The following AKT3 variants were observed in gnomAD, a reference collection of about 807,000 sequenced individuals.
AKT3 encodes the protein RAC-gamma serine/threonine-protein kinase.
Under a neutral mutation model 65.3 loss-of-function variants are expected in AKT3, and 15 were observed. The ratio of observed to expected loss-of-function variants is 0.23; its 90% CI spans 0.15 to 0.35. AKT3 has a LOEUF of 0.35. Among genes scored for constraint, AKT3 ranks in the 10% least tolerant of loss-of-function variants. The probability of loss-of-function intolerance (pLI) is 1.00; values close to 1 mark genes in which losing one functional copy is unlikely to be tolerated. For missense variants in AKT3, 243 were observed against 576.5 expected, an observed-to-expected ratio of 0.42 and a Z score of 5.92; for synonymous variants, 206 against 183.8, an observed-to-expected ratio of 1.12 and a Z score of -0.98.
intron 8 of AKT3, among the ~76,000 whole-genome samples, chr1:243,597,293 C>G (rs1285586039): frequency 3.3e-5 from 5 of 151,958 alleles, no homozygotes; most frequent in African/African-American, 1.2e-4. Flanking sequence ...TAAAGTGTAT[C>G]TACATAATTA....
At chr1:243,496,689 G>C (rs1248850924), downstream of AKT3, among the ~76,000 whole-genome samples, 1 of 152,250 alleles carries the variant, frequency 6.6e-6, no homozygotes, top group Non-Finnish European at 1.5e-5. Flanking sequence ...TGGCTGGTTT[G>C]GGAACAAAGC....
chr1:243,634,445 G>A (rs1214521382), intron 6 of AKT3, among the ~76,000 whole-genome samples: 1 of 151,890 alleles, frequency 6.6e-6, no homozygotes, highest in Non-Finnish European at 1.5e-5. Context: ...ACTATTAAAA[G>A]TAAATTAACA....
intron 2 of AKT3, among the ~76,000 whole-genome samples, chr1:243,715,746 G>A (rs903349250): frequency 6.6e-6 from 1 of 151,952 alleles, no homozygotes; most frequent in African/African-American, 2.4e-5. Flanking sequence ...AGGTTCAAAG[G>A]TGTTACCAAA....
At chr1:243,514,667 A>C (rs1312574250) in intron 12 of AKT3, among the ~76,000 whole-genome samples, 1 of 152,206 alleles carries the variant, frequency 6.6e-6, no homozygotes, top group Non-Finnish European at 1.5e-5. Flanking sequence ...CACATTAAGA[A>C]TATACAACTT....
At chr1:243,844,503 G>T (rs1695425827) in intron 1 of AKT3, among the ~76,000 whole-genome samples, 1 of 152,114 alleles carries the variant, frequency 6.6e-6, no homozygotes, top group African/African-American at 2.4e-5. Context: ...TTTTGAGATG[G>T]GGTTTCCCCC....
At chr1:243,688,526 A>G (rs1201416011) in intron 3 of AKT3, among the ~76,000 whole-genome samples, 5 of 152,194 alleles carry the variant, frequency 3.3e-5, no homozygotes, top group Non-Finnish European at 7.3e-5. Context: ...AATATTCCAG[A>G]AAAGATAATA....
intron 12 of AKT3, among the ~76,000 whole-genome samples, chr1:243,519,308 GA>G (rs1379522212): frequency 3.3e-5 from 5 of 152,158 alleles, no homozygotes; most frequent in Non-Finnish European, 5.9e-5. Context: ...ATCGGCTGCA[GA>G]CAAGAGCAGA....
At chr1:243,762,965 A>T (rs534078128) in intron 2 of AKT3, among the ~76,000 whole-genome samples, 1 of 152,194 alleles carries the variant, frequency 6.6e-6, no homozygotes, top group South Asian at 2.1e-4. Context: ...ATGAAATCAA[A>T]TATCAAATTT....
intron 1 of AKT3, among the ~76,000 whole-genome samples, chr1:243,844,380 C>T (rs1043183384): frequency 3.3e-4 from 50 of 152,204 alleles, no homozygotes; most frequent in African/African-American, 1.2e-3. Flanking sequence ...AGAGTAAAGG[C>T]ATACATACTT....
chr1:243,738,588 T>C (rs1427700743), intron 2 of AKT3, among the ~76,000 whole-genome samples: 5 of 152,114 alleles, frequency 3.3e-5, no homozygotes, highest in African/African-American at 1.2e-4. Context: ...AATTTGAAAA[T>C]GTTTAGAGAA....
intron 2 of AKT3, among the ~76,000 whole-genome samples, chr1:243,770,527 TA>T (rs1185413088): frequency 1.3e-5 from 2 of 152,076 alleles, no homozygotes; most frequent in African/African-American, 4.8e-5. Context: ...AAGCTGCATG[TA>T]TATGAGAAGA....
At chr1:243,535,155 T>TATTTTAAAATACATTTAAA (rs1671812888) in intron 12 of AKT3, among the ~76,000 whole-genome samples, 1 of 131,400 alleles carries the variant, frequency 7.6e-6, no homozygotes, top group Non-Finnish European at 1.5e-5. Flanking sequence ...TTTTAAAATA[T>TATTTTAAAATACATTTAAA]ATTTTAAAAT....
At chr1:243,781,271 C>T (rs1038333245) in intron 2 of AKT3, among the ~76,000 whole-genome samples, 1 of 151,950 alleles carries the variant, frequency 6.6e-6, no homozygotes, top group Non-Finnish European at 1.5e-5. Context: ...TTCCATAGTA[C>T]GAATGAATGC....
intron 2 of AKT3, among the ~76,000 whole-genome samples, chr1:243,696,626 A>C (rs573323636): frequency 1.3e-5 from 2 of 152,148 alleles, no homozygotes; most frequent in South Asian, 4.1e-4. Context: ...AATTGCAAAC[A>C]GTTCAATTTT....
intron 4 of AKT3, among the ~76,000 whole-genome samples, chr1:243,654,041 T>TC (rs1681575758): frequency 6.6e-6 from 1 of 152,190 alleles, no homozygotes; most frequent in Non-Finnish European, 1.5e-5. Flanking sequence ...TTTATATATA[T>TC]CCTTAGCTTT....
chr1:243,843,033 T>A, intron 2 of AKT3, 92 bp downstream of exon 2: 5 of 1,310,016 alleles, frequency 3.8e-6, no homozygotes, highest in Admixed American at 1.8e-5. Context: ...TGACACAGTT[T>A]AACAGTATCA....
intron 8 of AKT3, among the ~76,000 whole-genome samples, chr1:243,583,842 G>A (rs1046863925): frequency 6.6e-6 from 1 of 152,024 alleles, no homozygotes; most frequent in African/African-American, 2.4e-5. Context: ...AAAGTTGAAA[G>A]CACTAAATGC....
intron 13 of AKT3, among the ~76,000 whole-genome samples, chr1:243,492,230 C>T (rs1666621997): frequency 6.6e-6 from 1 of 151,928 alleles, no homozygotes; most frequent in African/African-American, 2.4e-5. Flanking sequence ...CCTCCCCGCT[C>T]CCCGGCGCTG....
At chr1:243,681,818 GT>G (rs1025936271) in intron 3 of AKT3, among the ~76,000 whole-genome samples, 31 of 151,776 alleles carry the variant, frequency 2.0e-4, no homozygotes, top group African/African-American at 7.5e-4. Flanking sequence ...TCATTATCTA[GT>G]TTTTTTTCCT....
Sources: gnomAD v4.1 joint callset for allele counts (sites outside exome capture counted in the v4.1 genomes callset) on GRCh38, gnomAD v4.1.1 for gene constraint, MANE v1.5 for transcripts, NCBI Gene and HGNC (gene_info 2026-07-23, HGNC 2026-07-21) for gene names.